LGALS8: variants seen among roughly 807,000 people sequenced by gnomAD.
LGALS8 encodes the protein galectin 8.
A neutral mutation model predicts 35.9 loss-of-function variants in LGALS8; 30 were observed. That is an observed-to-expected ratio of 0.83 (90% confidence interval 0.62 to 1.13). LGALS8 has a LOEUF of 1.13. Among genes scored for constraint, LGALS8 ranks in the 50% most tolerant of loss-of-function variants. LGALS8 has a pLI of 0.00. For synonymous variants in LGALS8, 138 were observed against 136.1 expected, an observed-to-expected ratio of 1.01 and a Z score of -0.10; for missense variants, 366 against 388.7, an observed-to-expected ratio of 0.94 and a Z score of 0.49.
At chr1:236,527,131 A>ACAG (rs1660857072) in intron 2 of LGALS8, among the ~76,000 whole-genome samples, 1 of 152,068 alleles carries the variant, frequency 6.6e-6, no homozygotes, top group Non-Finnish European at 1.5e-5. Context: ...AACAACAACA[A>ACAG]CAACAACAAA....
intron 2 of LGALS8, among the ~76,000 whole-genome samples, chr1:236,534,978 T>G (rs957449158): frequency 1.2e-5 from 1 of 86,328 alleles, no homozygotes; most frequent in Non-Finnish European, 2.9e-5. Context: ...GGAGAATCGC[T>G]TGAACCCGGG....
chr1:236,535,624 G>A (rs950413168), intron 2 of LGALS8, among the ~76,000 whole-genome samples: 1 of 152,200 alleles, frequency 6.6e-6, no homozygotes, highest in Non-Finnish European at 1.5e-5. Context: ...AAAGATCAAT[G>A]TAGGGATGTA....
chr1:236,539,071 G>A lies in LGALS8; in HGVS notation c.327G>A (p.Val109=). 1 of 1,613,906 alleles carries A rather than the reference G, an allele frequency of 6.2e-7. No homozygotes were observed. Among genetic ancestry groups the A allele is most frequent in the Non-Finnish European group, 8.5e-7 (1 of 1,179,968 alleles). ...REKSFEIVIM[V]LKDKFQVAVN... ...AGTCTTTTGAGATCGTGATTATGGT[G>A]CTGAAGGACAAATTCCAGGTAGGTT... Residue 109 remains valine (V), a synonymous_variant, in exon 4 of 10, where the codon GTG becomes GTA. Transcript: ENST00000366584.
At position 236,547,987 on chromosome 1, in the gene LGALS8, A is replaced by C. The variant is rs749172850; in HGVS notation, c.805-25A>C. The C allele has an allele frequency of 3.1e-6, 5 of 1,595,506 alleles. No individual in the cohort carries two copies. The East Asian group carries it at 1.1e-4, about 36-fold the overall frequency. On this transcript the variant is annotated intron_variant, in intron 9 of 9. Transcript: ENST00000366584. ...AAATTTTAAACTAAGGGGAACCACT[A>C]ATGGCATGTATCCTTTCCTTTCAGA...
At chr1:236,543,831 G>T (rs75328932) in intron 8 of LGALS8, among the ~76,000 whole-genome samples, 183 bp downstream of exon 8, 1 of 152,062 alleles carries the variant, frequency 6.6e-6, no homozygotes, top group South Asian at 2.1e-4. Context: ...AGCCGACTAA[G>T]GCCGTGTTCT....
chr1:236,530,181 CTT>C (rs1161490300), intron 2 of LGALS8, among the ~76,000 whole-genome samples: 1 of 152,212 alleles, frequency 6.6e-6, no homozygotes, highest in Non-Finnish European at 1.5e-5. Context: ...TAATAAGTTG[CTT>C]GTCAACATAA....
At chr1:236,541,970 T>C (rs1662028308) in intron 6 of LGALS8, among the ~76,000 whole-genome samples, 1 of 152,214 alleles carries the variant, frequency 6.6e-6, no homozygotes, top group Admixed American at 6.5e-5. Flanking sequence ...AATAGTACTG[T>C]TCTGGGGTAT....
At chr1:236,541,752 T>C in intron 6 of LGALS8, 42 bp downstream of exon 6, 1 of 1,025,584 alleles carries the variant, frequency 9.8e-7, no homozygotes, top group Non-Finnish European at 1.4e-6. Context: ...TTTAAAAATG[T>C]TGTTTTAGCT....
chr1:236,546,858 CATTCTTGTG>C (rs1298836114), intron 9 of LGALS8, among the ~76,000 whole-genome samples: 1 of 152,192 alleles, frequency 6.6e-6, no homozygotes, highest in African/African-American at 2.4e-5. Flanking sequence ...GGATTCCCAC[CATTCTTGTG>C]GGGATAGAAT....
Position 236,552,314 on chromosome 1 carries a change from G to A in LGALS8, c.*4153G>A. 5.4e-6 allele frequency: 2 copies of A among 373,710 alleles called. No individual in the cohort carries two copies. The highest frequency in any genetic ancestry group is 9.6e-6 in the Non-Finnish European group (2 of 209,396). The allele number at this position is 373,710 out of a possible 1,614,324, so 23.1% of individuals were successfully genotyped here. ...TGTAATATGTGCAACCTTATAAATAGTGTTTTCCAAACTGTGTCCCAGGAC... is the reference window on the plus strand; with the variant it reads ...TGTAATATGTGCAACCTTATAAATAATGTTTTCCAAACTGTGTCCCAGGAC... On this transcript the variant is annotated 3_prime_UTR_variant, in exon 10 of 10. Coordinates refer to ENST00000366584, the MANE Select transcript of LGALS8 (RefSeq NM_201544.4).
chr1:236,551,807 T>A lies in LGALS8; in HGVS notation c.*3646T>A. Reference sequence around the variant, plus strand: ...GATCAGGAGGTGGTCACTTCGCAACTTGCTCCCTCCACCCAACTCAAAACA... The same window carrying A: ...GATCAGGAGGTGGTCACTTCGCAACATGCTCCCTCCACCCAACTCAAAACA... On this transcript the variant is annotated 3_prime_UTR_variant, in exon 10 of 10. Transcript: ENST00000366584. 3.6e-6 allele frequency: 2 copies of A among 548,328 alleles called. No individual in the cohort carries two copies. Among genetic ancestry groups the A allele is most frequent in the South Asian group, 4.7e-5 (2 of 42,824 alleles). The allele number at this position is 548,328 out of a possible 1,614,324, so 34.0% of individuals were successfully genotyped here.
At chr1:236,547,341 G>A (rs6662029) in intron 9 of LGALS8, among the ~76,000 whole-genome samples, 2,080 of 97,872 alleles carry the variant, frequency 0.021, 44 homozygotes, top group African/African-American at 0.059. Context: ...GGCGAACACT[G>A]CCGATGGATC....
chr1:236,551,968 G>T lies in LGALS8; in HGVS notation c.*3807G>T. On this transcript the variant is annotated 3_prime_UTR_variant, in exon 10 of 10. Transcript: ENST00000366584. The stretch of plus-strand genomic sequence containing the variant: ...AATTTTACTGAATTATTCCTTAATT[G>T]TTTAATGGTTGGGAATAGTTTGGGA... The T allele has an allele frequency of 7.3e-7, 1 of 1,361,726 alleles. No homozygotes were observed. The highest frequency in any genetic ancestry group is 1.0e-6 in the Non-Finnish European group (1 of 953,642). 84.4% of individuals were successfully genotyped at this position (1,361,726 alleles called of 1,614,324 possible).
intron 7 of LGALS8, chr1:236,543,197 G>A (rs1471570150): frequency 8.8e-6 from 6 of 682,020 alleles, no homozygotes; most frequent in Middle Eastern, 3.6e-4. Context: ...GCCTGCCTCT[G>A]AGCCATTCCT....
intron 1 of LGALS8, among the ~76,000 whole-genome samples, chr1:236,525,109 C>G (rs1558153853): frequency 6.6e-6 from 1 of 152,052 alleles, no homozygotes; most frequent in Non-Finnish European, 1.5e-5. Flanking sequence ...ACTCCCCTGC[C>G]CTGTGATTAT....
intron 8 of LGALS8, 51 bp downstream of exon 8, chr1:236,543,699 C>A (rs773016936): frequency 7.6e-7 from 1 of 1,314,480 alleles, no homozygotes; most frequent in Non-Finnish European, 1.1e-6. Context: ...GTGCCTGTTA[C>A]CGCCTTCCAC....
At chr1:236,532,679 G>A (rs1227412735) in intron 2 of LGALS8, among the ~76,000 whole-genome samples, 3 of 151,790 alleles carry the variant, frequency 2.0e-5, no homozygotes, top group South Asian at 2.1e-4. Context: ...CCATCTCTAC[G>A]AAAAATACAA....
chr1:236,529,692 A>G (rs1661040340), intron 2 of LGALS8, among the ~76,000 whole-genome samples: 1 of 118,814 alleles, frequency 8.4e-6, no homozygotes, highest in African/African-American at 3.4e-5. Flanking sequence ...TCTATTGCCC[A>G]TGCTGGAGTG....
chr1:236,519,175 G>A (rs2758990), upstream of LGALS8, among the ~76,000 whole-genome samples: 25,800 of 151,156 alleles, frequency 0.17, 2,483 homozygotes, highest in African/African-American at 0.25. Flanking sequence ...GACTGCTTGA[G>A]CCCAGGAGTT....
Sources: gnomAD v4.1 joint callset for allele counts (sites outside exome capture counted in the v4.1 genomes callset) on GRCh38, gnomAD v4.1.1 for gene constraint, MANE v1.5 for transcripts, NCBI Gene and HGNC (gene_info 2026-07-23, HGNC 2026-07-21) for gene names.